CCDC170: variants seen among roughly 807,000 people sequenced by gnomAD.
The protein encoded by CCDC170 is coiled-coil domain-containing protein 170.
CCDC170 carries 69 observed loss-of-function variants against 72.6 expected under a neutral mutation model. The observed-to-expected ratio is 0.95, with a 90% CI of 0.78 to 1.16. The LOEUF (loss-of-function observed/expected upper bound fraction) is 1.16. CCDC170 is among the 50% of genes most tolerant of loss of function. The pLI, the probability that CCDC170 is intolerant of heterozygous loss-of-function variation, is 0.00. For missense variants in CCDC170, 852 were observed against 832.5 expected, an observed-to-expected ratio of 1.02 and a Z score of -0.29; for synonymous variants, 300 against 303.9, an observed-to-expected ratio of 0.99 and a Z score of 0.13.
chr6:151,572,653 T>TTTTTTTTTTTTTTTTTTTTTTTTTTTG (rs1776237615), intron 5 of CCDC170, among the ~76,000 whole-genome samples: 3 of 100,500 alleles, frequency 3.0e-5, no homozygotes, highest in Admixed American at 1.2e-4. Flanking sequence ...CTCTGTGTTT[T>TTTTTTTTTTTTTTTTTTTTTTTTTTTG]TTTTTTTTTT....
intron 6 of CCDC170, 31 bp from the exon 7 acceptor site, chr6:151,585,858 G>T (rs867255222): frequency 5.0e-6 from 8 of 1,603,490 alleles, no homozygotes; most frequent in Non-Finnish European, 6.8e-6. Flanking sequence ...CTGAAACAAG[G>T]CTTATTCTTG....
chr6:151,543,428 T>G (rs897384471), intron 3 of CCDC170, among the ~76,000 whole-genome samples: 1 of 146,476 alleles, frequency 6.8e-6, no homozygotes, highest in African/African-American at 2.8e-5. Context: ...ATCCATCATC[T>G]TGAATATTTA....
chr6:151,605,943 C>T (rs1355470577), intron 9 of CCDC170, among the ~76,000 whole-genome samples: 1 of 150,154 alleles, frequency 6.7e-6, no homozygotes, highest in Non-Finnish European at 1.5e-5. Flanking sequence ...ACTCTGTTGT[C>T]CAGGCTGGAG....
intron 5 of CCDC170, among the ~76,000 whole-genome samples, chr6:151,567,755 A>G (rs1300970807): frequency 6.6e-6 from 1 of 152,118 alleles, no homozygotes; most frequent in African/African-American, 2.4e-5. Context: ...AGCAACTCTC[A>G]CCACTAGCCA....
chr6:151,583,965 T>A (rs1409637420), intron 6 of CCDC170, among the ~76,000 whole-genome samples: 3 of 152,180 alleles, frequency 2.0e-5, no homozygotes, highest in Non-Finnish European at 2.9e-5. Flanking sequence ...AACACTGCAA[T>A]AGTAACATCA....
At chr6:151,557,693 C>A (rs538238197) in intron 5 of CCDC170, among the ~76,000 whole-genome samples, 1 of 152,240 alleles carries the variant, frequency 6.6e-6, no homozygotes, top group East Asian at 1.9e-4. Context: ...TGTATCCTTG[C>A]GAGCATCTGT....
chr6:151,499,782 C>A (rs1781967226), intron 1 of CCDC170, among the ~76,000 whole-genome samples: 1 of 152,210 alleles, frequency 6.6e-6, no homozygotes, highest in Non-Finnish European at 1.5e-5. Context: ...GAATTTCCTT[C>A]CTTTTTAAGC....
chr6:151,605,632 T>C (rs1406593936), intron 9 of CCDC170, among the ~76,000 whole-genome samples: 1 of 152,188 alleles, frequency 6.6e-6, no homozygotes, highest in African/African-American at 2.4e-5. Flanking sequence ...ATCTTACTTT[T>C]TCCATTGTAG....
chr6:151,596,042 G>T (rs1167334506), intron 8 of CCDC170, among the ~76,000 whole-genome samples: 2 of 152,132 alleles, frequency 1.3e-5, no homozygotes, highest in African/African-American at 4.8e-5. Flanking sequence ...TTTTTTAAAA[G>T]TAATTTTACA....
chr6:151,522,058 G>C (rs988052306), intron 1 of CCDC170, among the ~76,000 whole-genome samples: 1 of 151,810 alleles, frequency 6.6e-6, no homozygotes, highest in African/African-American at 2.4e-5. Context: ...TACTCGGAAG[G>C]CTGAGGCAGG....
intron 9 of CCDC170, among the ~76,000 whole-genome samples, chr6:151,609,333 A>C (rs750938671): frequency 4.7e-4 from 72 of 152,234 alleles, no homozygotes; most frequent in Non-Finnish European, 8.7e-4. Context: ...GCCTGAGTTC[A>C]CTTCCTGGCT....
intron 9 of CCDC170, among the ~76,000 whole-genome samples, chr6:151,601,443 T>C (rs555992488): frequency 1.3e-5 from 2 of 152,300 alleles, no homozygotes; most frequent in East Asian, 3.9e-4. Context: ...CATGGATCAG[T>C]ACTTCATTCC....
At chr6:151,601,741 T>G (rs2115127251) in intron 9 of CCDC170, among the ~76,000 whole-genome samples, 1 of 152,298 alleles carries the variant, frequency 6.6e-6, no homozygotes. Flanking sequence ...AGATTATCCT[T>G]GTGTTGAGGG....
Position 151,573,388 on chromosome 6 carries a change from T to C in CCDC170, c.989T>C (p.Ile330Thr). Residue 330 changes from isoleucine to threonine, a missense_variant, in exon 6 of 11, where the codon ATC becomes ACC. By Grantham distance (89) the Ile-to-Thr change is moderately conservative. Transcript: ENST00000239374. ...QSQYFSFREK[I>T]AALLRGRLSM... ...CAGTACTTCTCATTTAGGGAGAAAA[T>C]CGCAGCCCTCCTTAGGGGCAGATTG... 2.5e-6 allele frequency: 4 copies of C among 1,613,992 alleles called. No homozygotes were observed. Among genetic ancestry groups the C allele is most frequent in the Non-Finnish European group, 3.4e-6 (4 of 1,180,002 alleles).
intron 9 of CCDC170, among the ~76,000 whole-genome samples, chr6:151,599,559 G>A (rs1483516832): frequency 1.3e-5 from 2 of 152,148 alleles, no homozygotes; most frequent in African/African-American, 4.8e-5. Flanking sequence ...ATCACATGGA[G>A]CCTTATGTGT....
At chr6:151,542,034 C>G (rs1380723478) in intron 3 of CCDC170, among the ~76,000 whole-genome samples, 3 of 150,508 alleles carry the variant, frequency 2.0e-5, no homozygotes, top group Non-Finnish European at 4.4e-5. Context: ...CATGTGCCAC[C>G]ACACCCAGCT....
intron 1 of CCDC170, among the ~76,000 whole-genome samples, chr6:151,505,357 C>T (rs115563743): frequency 0.01 from 1,586 of 152,218 alleles, 26 homozygotes; most frequent in African/African-American, 0.036. Flanking sequence ...GAAAATGGGT[C>T]CCATACGGAT....
At chr6:151,609,363 A>C (rs889030848) in intron 9 of CCDC170, among the ~76,000 whole-genome samples, 9 of 152,164 alleles carry the variant, frequency 5.9e-5, no homozygotes, top group African/African-American at 2.2e-4. Flanking sequence ...TGGTGTTTTC[A>C]ATGCAGCTTC....
intron 5 of CCDC170, among the ~76,000 whole-genome samples, chr6:151,567,194 C>T (rs907510263): frequency 6.6e-6 from 1 of 152,190 alleles, no homozygotes; most frequent in South Asian, 2.1e-4. Context: ...GCTGGGATTA[C>T]AGGCGTGAGT....
Sources: gnomAD v4.1 joint callset for allele counts (sites outside exome capture counted in the v4.1 genomes callset) on GRCh38, gnomAD v4.1.1 for gene constraint, MANE v1.5 for transcripts, NCBI Gene and HGNC (gene_info 2026-07-23, HGNC 2026-07-21) for gene names.